The following TSNAX variants were observed in gnomAD, a reference collection of about 807,000 sequenced individuals.
The protein encoded by TSNAX is translin-associated protein X.
A neutral mutation model predicts 33.0 loss-of-function variants in TSNAX; 12 were observed. The observed-to-expected ratio is 0.36, with a 90% CI of 0.23 to 0.59. The LOEUF (loss-of-function observed/expected upper bound fraction) is 0.59, where lower values mean the gene tolerates loss of function less well. Ranked by LOEUF, TSNAX falls within the 20% of genes least tolerant of loss-of-function variation. The pLI is 0.74. For missense variants in TSNAX, 267 were observed against 341.3 expected (o/e 0.78, Z 1.72); for synonymous variants, 110 against 117.2 (o/e 0.94, Z 0.40).
chr1:231,533,132 T>G (rs1357210898), intron 2 of TSNAX, among the ~76,000 whole-genome samples: 1 of 150,844 alleles, frequency 6.6e-6, no homozygotes, highest in Non-Finnish European at 1.5e-5. Context: ...AGTGGTGCAG[T>G]CTCAGCTCAC....
At chr1:231,531,825 A>G (rs1232058990) in intron 2 of TSNAX, among the ~76,000 whole-genome samples, 1 of 152,170 alleles carries the variant, frequency 6.6e-6, no homozygotes, top group East Asian at 1.9e-4. Flanking sequence ...GTTTAAGGGT[A>G]TTTCAAGGTA....
chr1:231,545,550 A>AT (rs564481346), intron 4 of TSNAX, among the ~76,000 whole-genome samples: 24 of 149,318 alleles, frequency 1.6e-4, no homozygotes, highest in South Asian at 1.5e-3. Flanking sequence ...GTGTCCTGTC[A>AT]TTTTTTTTTT....
intron 3 of TSNAX, among the ~76,000 whole-genome samples, chr1:231,541,004 T>C (rs1320423758): frequency 6.6e-6 from 1 of 152,226 alleles, no homozygotes; most frequent in Non-Finnish European, 1.5e-5. Context: ...ATATTTAACA[T>C]GGATTTCTTG....
chr1:231,533,060 T>C (rs2124879156), intron 2 of TSNAX, among the ~76,000 whole-genome samples: 1 of 151,722 alleles, frequency 6.6e-6, no homozygotes, highest in East Asian at 1.9e-4. Context: ...AGGGATTTCA[T>C]GGGAAGTCTT....
At chr1:231,530,986 C>A (rs1032898197) in intron 2 of TSNAX, among the ~76,000 whole-genome samples, 9 of 147,902 alleles carry the variant, frequency 6.1e-5, no homozygotes, top group Admixed American at 3.4e-4. Flanking sequence ...GAGACAGAGT[C>A]TCTGTCACAC....
chr1:231,561,179 G>C lies in TSNAX; in HGVS notation c.419G>C (p.Arg140Pro). The C allele has an allele frequency of 6.2e-7, 1 of 1,608,630 alleles. No homozygotes were observed. The highest frequency in any genetic ancestry group is 8.5e-7 in the Non-Finnish European group (1 of 1,176,490). ...TCTTTTCAACACTTCATCAAAACAC[G>C]ATCATTAATTAGTATGGATGAAATT... ...AVSFQHFIKT[R>P]SLISMDEINK... The change falls in exon 5 of 6, where the codon CGA (arginine) becomes CCA (proline). Residue 140 changes from arginine (R) to proline (P), a missense_variant. Physicochemically the swap from Arg to Pro is moderately radical, Grantham distance 103 (BLOSUM62 -2). This residue lies in a region of TSNAX where 200 missense variants were observed against 214.1 expected (regional missense o/e 0.93). Coordinates refer to ENST00000366639, the MANE Select transcript of TSNAX (RefSeq NM_005999.3).
At chr1:231,548,418 C>G (rs1660090356) in intron 4 of TSNAX, among the ~76,000 whole-genome samples, 1 of 152,154 alleles carries the variant, frequency 6.6e-6, no homozygotes, top group African/African-American at 2.4e-5. Context: ...CAAGTCTCTG[C>G]TTTCTGTTTT....
At chr1:231,538,172 T>C (rs115686914) in intron 3 of TSNAX, among the ~76,000 whole-genome samples, 3,364 of 152,296 alleles carry the variant, frequency 0.022, 127 homozygotes, top group African/African-American at 0.077. Context: ...TCTAGGACTT[T>C]ACTATTTTAT....
intron 4 of TSNAX, among the ~76,000 whole-genome samples, chr1:231,551,035 T>C (rs929886179): frequency 3.9e-5 from 6 of 152,218 alleles, no homozygotes; most frequent in African/African-American, 1.2e-4. Context: ...TTCTATAATA[T>C]AGTTTAGTGT....
chr1:231,554,929 C>T (rs1207867907), intron 4 of TSNAX, among the ~76,000 whole-genome samples: 2 of 152,130 alleles, frequency 1.3e-5, no homozygotes, highest in African/African-American at 4.8e-5. Context: ...TAGTAATAGT[C>T]ACATAAGGTT....
chr1:231,550,197 A>G (rs115387260), intron 4 of TSNAX, among the ~76,000 whole-genome samples: 4,418 of 152,296 alleles, frequency 0.029, 249 homozygotes, highest in African/African-American at 0.1. Context: ...TTCAACATAT[A>G]ATCAGCATAT....
intron 4 of TSNAX, among the ~76,000 whole-genome samples, chr1:231,547,378 CTTTTTTTTTTCTTTTT>C (rs1188009462): frequency 1.7e-5 from 2 of 116,632 alleles, no homozygotes; most frequent in Non-Finnish European, 3.7e-5. Flanking sequence ...AAGGCTTTTT[CTTTTTTTTTTCTTTTT>C]TTTTTTTTTT....
At chr1:231,548,257 C>T (rs1379629651) in intron 4 of TSNAX, among the ~76,000 whole-genome samples, 1 of 152,208 alleles carries the variant, frequency 6.6e-6, no homozygotes, top group Non-Finnish European at 1.5e-5. Context: ...ATACCAGACA[C>T]TGATAACATT....
intron 5 of TSNAX, among the ~76,000 whole-genome samples, chr1:231,563,000 C>G (rs1661211442): frequency 6.6e-6 from 1 of 152,138 alleles, no homozygotes; most frequent in South Asian, 2.1e-4. Flanking sequence ...GAGGACGTTG[C>G]ACCAAATGGT....
intron 4 of TSNAX, among the ~76,000 whole-genome samples, chr1:231,543,067 A>G (rs1261515408): frequency 6.6e-6 from 1 of 151,168 alleles, no homozygotes; most frequent in Non-Finnish European, 1.5e-5. Flanking sequence ...AATCCCAGCT[A>G]CTCCGGAGGC....
At chr1:231,551,436 C>T (rs905240434) in intron 4 of TSNAX, among the ~76,000 whole-genome samples, 4 of 152,108 alleles carry the variant, frequency 2.6e-5, no homozygotes, top group Admixed American at 2.6e-4. Flanking sequence ...AGCTTTCTTT[C>T]CTTTAGCATG....
chr1:231,540,636 A>G (rs1285730889), intron 3 of TSNAX, among the ~76,000 whole-genome samples: 13 of 152,192 alleles, frequency 8.5e-5, no homozygotes, highest in Non-Finnish European at 1.8e-4. Flanking sequence ...AGGTGTAATT[A>G]AGTCAGATTG....
At chr1:231,552,115 A>G (rs1441279167) in intron 4 of TSNAX, among the ~76,000 whole-genome samples, 1 of 152,126 alleles carries the variant, frequency 6.6e-6, no homozygotes, top group Non-Finnish European at 1.5e-5. Flanking sequence ...AGACAACATG[A>G]TGAAACCCCG....
chr1:231,540,146 C>T (rs1659473065), intron 3 of TSNAX, among the ~76,000 whole-genome samples: 1 of 142,308 alleles, frequency 7.0e-6, no homozygotes, highest in African/African-American at 2.7e-5. Flanking sequence ...TGCAATCCAG[C>T]CTGGGTGACA....
Sources: gnomAD v4.1 joint callset for allele counts (sites outside exome capture counted in the v4.1 genomes callset) on GRCh38, gnomAD v4.1.1 for gene constraint, gnomAD v4.1.1 regional missense constraint, MANE v1.5 for transcripts, NCBI Gene and HGNC (gene_info 2026-07-23, HGNC 2026-07-21) for gene names.